Variants in ATP11B observed in about 807,000 individuals in gnomAD.
ATP11B encodes ATPase phospholipid transporting 11B (putative), also known as phospholipid-transporting ATPase IF.
In ATP11B, 81 loss-of-function variants were observed where a neutral mutation model predicts 157.8. That is an observed-to-expected ratio of 0.51 (90% CI 0.43 to 0.62). The LOEUF is 0.62. Ranked by LOEUF, ATP11B falls within the 20% of genes least tolerant of loss-of-function variation. ATP11B has a pLI of 0.00. For synonymous variants in ATP11B, 451 were observed against 469.4 expected (o/e 0.96, Z 0.51); for missense variants, 1,165 against 1,402.2 (o/e 0.83, Z 2.70).
At chr3:182,912,679 T>C (rs1724876259) in intron 28 of ATP11B, among the ~76,000 whole-genome samples, 1 of 152,182 alleles carries the variant, frequency 6.6e-6, no homozygotes, top group South Asian at 2.1e-4. Flanking sequence ...TTGCAGGACA[T>C]CAGCAGTTGT....
In ATP11B at chr3:182,910,072, AG is replaced by A. The variant is rs374580435; in HGVS notation, c.3319-3788del. Among the ~76,000 whole-genome samples the A allele has an allele frequency of 2.1e-3, 169 of 80,174 alleles. 3 individuals carry two copies. Among genetic ancestry groups the A allele is most frequent in the African/African-American group, 7.5e-3 (142 of 19,050 alleles). 52.6% of individuals were successfully genotyped at this position (80,174 alleles called of 152,430 possible). On this transcript the variant is annotated intron_variant, in intron 28 of 29. Coordinates refer to ENST00000323116, the MANE Select transcript of ATP11B (RefSeq NM_014616.3). ...GGCAACAGAGTGAGACTCGGCCTCC[AG>A]AAAAAAAAAAAAAAAAAAAAAAGCA...
chr3:182,874,505 G>A (rs532392663), intron 19 of ATP11B, among the ~76,000 whole-genome samples: 2 of 136,198 alleles, frequency 1.5e-5, no homozygotes, highest in African/African-American at 3.8e-5. Context: ...TTAACATTAC[G>A]ATTTTTTTTG....
intron 28 of ATP11B, among the ~76,000 whole-genome samples, chr3:182,899,150 A>ATTTTTTTTT (rs34492261): frequency 7.8e-6 from 1 of 128,356 alleles, no homozygotes; most frequent in Non-Finnish European, 1.6e-5. Flanking sequence ...AATTTGAGTA[A>ATTTTTTTTT]TTTTTTTTTT....
rs180691097 is a variant in ATP11B at position 182,885,857 on chromosome 3, T to G, written c.2656-94T>G. Reference sequence around the variant, plus strand: ...TTACTTACCATACCAACTGAGATTGTTTTTGGACACTTTAACAGCCATTTT... The same window carrying G: ...TTACTTACCATACCAACTGAGATTGGTTTTGGACACTTTAACAGCCATTTT... On this transcript the variant is annotated intron_variant, in intron 22 of 29. Coordinates refer to ENST00000323116, the MANE Select transcript of ATP11B (RefSeq NM_014616.3). 2.6e-3 allele frequency: 1,995 copies of G among 777,200 alleles called. 14 individuals carry two copies. The highest frequency in any genetic ancestry group is 0.011 in the Middle Eastern group (28 of 2,662). 48.1% of individuals were successfully genotyped at this position (777,200 alleles called of 1,614,324 possible).
At chr3:182,829,225 A>G (rs1210985810) in intron 3 of ATP11B, among the ~76,000 whole-genome samples, 1 of 152,156 alleles carries the variant, frequency 6.6e-6, no homozygotes, top group Non-Finnish European at 1.5e-5. Flanking sequence ...AAGGAACATC[A>G]TTTTCCTAGT....
chr3:182,860,118 G>A (rs531352931), intron 12 of ATP11B, among the ~76,000 whole-genome samples: 1 of 152,062 alleles, frequency 6.6e-6, no homozygotes, highest in East Asian at 1.9e-4. Flanking sequence ...CCTCTTTCTT[G>A]CATCCCATGT....
chr3:182,856,479 A>G (rs1434606874), intron 10 of ATP11B, among the ~76,000 whole-genome samples: 1 of 152,206 alleles, frequency 6.6e-6, no homozygotes, highest in East Asian at 1.9e-4. Context: ...ACAAGGAGAC[A>G]TGACTAGTTT....
At chr3:182,904,785 A>G (rs915297121) in intron 28 of ATP11B, among the ~76,000 whole-genome samples, 1 of 151,460 alleles carries the variant, frequency 6.6e-6, no homozygotes, top group Non-Finnish European at 1.5e-5. Flanking sequence ...GCTACTCAAG[A>G]GGCTGAGACA....
At chr3:182,800,377 A>C (rs1324834534) in intron 1 of ATP11B, among the ~76,000 whole-genome samples, 1 of 122,794 alleles carries the variant, frequency 8.1e-6, no homozygotes, top group Non-Finnish European at 1.7e-5. Context: ...ATTTGCCACC[A>C]CACCCAGCTA....
chr3:182,869,038 A>T, intron 15 of ATP11B, 40 bp from the exon 16 acceptor site: 1 of 1,395,462 alleles, frequency 7.2e-7, no homozygotes, highest in South Asian at 1.3e-5. Context: ...TTATTTTAAA[A>T]AAAGTAAAGT....
chr3:182,920,606 A>G lies in ATP11B; in HGVS notation c.*2502A>G, dbSNP rs2108603359. 6.6e-6 allele frequency: 1 copy of G among 152,356 alleles called. No individual in the cohort carries two copies. Among genetic ancestry groups the G allele is most frequent in the Non-Finnish European group, 1.5e-5 (1 of 68,034 alleles). 9.4% of individuals were successfully genotyped at this position (152,356 alleles called of 1,614,324 possible). A position where few individuals can be genotyped will look rare whatever the true frequency, so the allele number is the denominator to read the frequency against. On this transcript the variant is annotated 3_prime_UTR_variant, in exon 30 of 30. Transcript: ENST00000323116. ...CGTTATTGCTAATCAGTGGTCTCAA[A>G]TCGATTTGCCTCCCTTTGCCTCGTC...
At chr3:182,880,417 A>G (rs1468296362) in intron 20 of ATP11B, among the ~76,000 whole-genome samples, 2 of 152,186 alleles carry the variant, frequency 1.3e-5, no homozygotes, top group African/African-American at 2.4e-5. Context: ...AGTACATTCA[A>G]GAATTCCAAA....
chr3:182,917,379 C>T (rs1191190366), intron 29 of ATP11B: 1 of 985,206 alleles, frequency 1.0e-6, no homozygotes, highest in Non-Finnish European at 1.2e-6. Flanking sequence ...TTTAAGTTTA[C>T]AGCTGCACAT....
At chr3:182,838,462 A>G (rs1718732756) in intron 7 of ATP11B, among the ~76,000 whole-genome samples, 1 of 151,998 alleles carries the variant, frequency 6.6e-6, no homozygotes, top group Admixed American at 6.6e-5. Flanking sequence ...GTTTGAAAAA[A>G]CTTTTTTAAA....
At chr3:182,801,768 A>G (rs1436992844) in intron 1 of ATP11B, among the ~76,000 whole-genome samples, 1 of 152,174 alleles carries the variant, frequency 6.6e-6, no homozygotes, top group Non-Finnish European at 1.5e-5. Flanking sequence ...ATTTTATTTT[A>G]TGTCAGTTAC....
chr3:182,878,561 C>A (rs1329994908), intron 19 of ATP11B, among the ~76,000 whole-genome samples: 2 of 152,230 alleles, frequency 1.3e-5, no homozygotes, highest in Admixed American at 1.3e-4. Flanking sequence ...TGTTGATTTA[C>A]ATTCTGGTGT....
At chr3:182,917,454 C>G (rs1031368499) in intron 29 of ATP11B, 1 of 985,198 alleles carries the variant, frequency 1.0e-6, no homozygotes, top group Non-Finnish European at 1.2e-6. Context: ...TTTTCCAGAC[C>G]AGTAGAGGAT....
intron 28 of ATP11B, among the ~76,000 whole-genome samples, chr3:182,901,586 C>A (rs1428097993): frequency 6.6e-6 from 1 of 152,120 alleles, no homozygotes; most frequent in African/African-American, 2.4e-5. Flanking sequence ...GATACTCAAC[C>A]TGTAATCAGA....
At chr3:182,905,296 G>A (rs1724269003) in intron 28 of ATP11B, among the ~76,000 whole-genome samples, 1 of 152,058 alleles carries the variant, frequency 6.6e-6, no homozygotes, top group South Asian at 2.1e-4. Flanking sequence ...ATAAATTATT[G>A]ACCCTCATTA....
Sources: gnomAD v4.1 joint callset for allele counts (sites outside exome capture counted in the v4.1 genomes callset) on GRCh38, gnomAD v4.1.1 for gene constraint, MANE v1.5 for transcripts, NCBI Gene and HGNC (gene_info 2026-07-23, HGNC 2026-07-21) for gene names.